DYNC1I1: variants seen among roughly 807,000 people sequenced by gnomAD.
DYNC1I1 encodes dynein cytoplasmic 1 intermediate chain 1.
A neutral mutation model predicts 86.6 loss-of-function variants in DYNC1I1; 43 were observed. The observed-to-expected ratio is 0.50, with a 90% CI of 0.39 to 0.64. The LOEUF (loss-of-function observed/expected upper bound fraction) is 0.64, where lower values mean the gene tolerates loss of function less well. Among genes scored for constraint, DYNC1I1 ranks in the 30% least tolerant of loss-of-function variants. The pLI is 0.00. For synonymous variants in DYNC1I1, 262 were observed against 283.7 expected, an observed-to-expected ratio of 0.92 and a Z score of 0.77; for missense variants, 604 against 788.8, an observed-to-expected ratio of 0.77 and a Z score of 2.81.
chr7:95,803,557 A>G (rs144941726), intron 1 of DYNC1I1, among the ~76,000 whole-genome samples: 385 of 152,354 alleles, frequency 2.5e-3, no homozygotes, highest in Non-Finnish European at 5.0e-3. Flanking sequence ...TGTGTCCCAG[A>G]GTGACTGTAG....
intron 10 of DYNC1I1, among the ~76,000 whole-genome samples, chr7:96,023,673 T>G (rs1794607874): frequency 6.6e-6 from 1 of 152,120 alleles, no homozygotes; most frequent in South Asian, 2.1e-4. Context: ...TGACTTCTCT[T>G]TAAATAGATG....
chr7:96,021,811 T>C (rs1346599728), intron 10 of DYNC1I1, among the ~76,000 whole-genome samples: 1 of 152,218 alleles, frequency 6.6e-6, no homozygotes. Context: ...ATTTCAAGGT[T>C]CATCCATGCT....
intron 6 of DYNC1I1, among the ~76,000 whole-genome samples, chr7:95,963,120 C>T (rs1792916408): frequency 6.6e-6 from 1 of 152,078 alleles, no homozygotes; most frequent in Non-Finnish European, 1.5e-5. Flanking sequence ...CTGCATTCTC[C>T]TCTCTACGTC....
At chr7:96,043,167 C>CAAAAAAAAAAA (rs111888029) in intron 14 of DYNC1I1, among the ~76,000 whole-genome samples, 1 of 63,470 alleles carries the variant, frequency 1.6e-5, no homozygotes, top group African/African-American at 5.0e-5. Flanking sequence ...GACTCCATCT[C>CAAAAAAAAAAA]AAAAAAAAAA....
chr7:95,966,597 C>T (rs148831692), intron 6 of DYNC1I1, among the ~76,000 whole-genome samples: 42 of 152,328 alleles, frequency 2.8e-4, no homozygotes, highest in African/African-American at 9.9e-4. Flanking sequence ...CTTGACTCTA[C>T]TGCTGCGTGT....
intron 5 of DYNC1I1, among the ~76,000 whole-genome samples, chr7:95,854,648 C>T (rs1789668886): frequency 6.6e-6 from 1 of 152,110 alleles, no homozygotes; most frequent in Non-Finnish European, 1.5e-5. Context: ...TTCTTAGTTT[C>T]AGATGTTTTT....
At chr7:95,866,012 GCA>G (rs1790008544) in intron 5 of DYNC1I1, among the ~76,000 whole-genome samples, 1 of 152,170 alleles carries the variant, frequency 6.6e-6, no homozygotes, top group Admixed American at 6.5e-5. Context: ...AGGAAAGGTA[GCA>G]CAGAGTCGGA....
chr7:95,978,400 C>T (rs1346963183), intron 7 of DYNC1I1, among the ~76,000 whole-genome samples: 2 of 152,166 alleles, frequency 1.3e-5, no homozygotes, highest in Non-Finnish European at 2.9e-5. Flanking sequence ...ACATGAAATA[C>T]TGCAGGTGAC....
At chr7:95,991,840 C>T (rs1793737861) in intron 9 of DYNC1I1, among the ~76,000 whole-genome samples, 1 of 152,028 alleles carries the variant, frequency 6.6e-6, no homozygotes, top group South Asian at 2.1e-4. Context: ...TCCTGCCACA[C>T]CCCACACCAG....
intron 1 of DYNC1I1, among the ~76,000 whole-genome samples, chr7:95,786,480 A>G (rs1794150543): frequency 1.3e-5 from 2 of 152,092 alleles, no homozygotes; most frequent in Admixed American, 6.5e-5. Context: ...CCCATATTAC[A>G]TGCTTTTTGA....
At chr7:96,099,972 TACAC>T (rs1462766765), downstream of DYNC1I1, among the ~76,000 whole-genome samples, 1 of 152,076 alleles carries the variant, frequency 6.6e-6, no homozygotes, top group Non-Finnish European at 1.5e-5. Flanking sequence ...ATAAGAGAAA[TACAC>T]AGCCAGTCCA....
intron 6 of DYNC1I1, among the ~76,000 whole-genome samples, chr7:95,942,556 A>G (rs551455557): frequency 6.6e-6 from 1 of 152,228 alleles, no homozygotes; most frequent in Non-Finnish European, 1.5e-5. Flanking sequence ...AAAGCTTGGC[A>G]GAGACACAAA....
chr7:96,107,033 C>CTTTTT (rs374213729), intron 16 of DYNC1I1, among the ~76,000 whole-genome samples: 1 of 145,772 alleles, frequency 6.9e-6, no homozygotes. Context: ...TTCATTCATA[C>CTTTTT]TTTTTTTTTT....
At chr7:95,865,396 T>A (rs1789991210) in intron 5 of DYNC1I1, among the ~76,000 whole-genome samples, 1 of 152,204 alleles carries the variant, frequency 6.6e-6, no homozygotes, top group Non-Finnish European at 1.5e-5. Flanking sequence ...CTACATTGTT[T>A]CTACCTTTTC....
intron 4 of DYNC1I1, among the ~76,000 whole-genome samples, chr7:95,823,922 A>G (rs1211414320): frequency 7.2e-6 from 1 of 137,976 alleles, no homozygotes; most frequent in Non-Finnish European, 1.5e-5. Flanking sequence ...GGAATATGGC[A>G]AGTTTTACTT....
intron 6 of DYNC1I1, among the ~76,000 whole-genome samples, chr7:95,958,840 G>A (rs1792787726): frequency 6.6e-6 from 1 of 152,170 alleles, no homozygotes; most frequent in Non-Finnish European, 1.5e-5. Context: ...CAGAAATTGA[G>A]TATCTACTAT....
intron 15 of DYNC1I1, among the ~76,000 whole-genome samples, chr7:96,077,111 C>A (rs917666192): frequency 6.6e-6 from 1 of 152,042 alleles, no homozygotes; most frequent in Non-Finnish European, 1.5e-5. Context: ...ACAAGTGCTG[C>A]GAACTATATG....
chr7:96,060,801 A>G (rs1228261147), intron 14 of DYNC1I1, among the ~76,000 whole-genome samples: 2 of 152,138 alleles, frequency 1.3e-5, no homozygotes, highest in African/African-American at 4.8e-5. Context: ...GCTCTAAAAA[A>G]TAAAGTCTAA....
In DYNC1I1 at chr7:95,868,387, T is replaced by C. The variant is rs369070512; in HGVS notation, c.375-1496T>C. Among the ~76,000 whole-genome samples, 37 of 152,340 alleles carry C rather than the reference T, an allele frequency of 2.4e-4. 2 individuals are homozygous for C. In the South Asian group the frequency reaches 5.2e-3, roughly 21 times the overall value. On this transcript the variant is annotated intron_variant, in intron 5 of 16. Coordinates refer to ENST00000447467, the MANE Select transcript of DYNC1I1 (RefSeq NM_001135556.2). Reference sequence around the variant, plus strand: ...GAAATTGTATGTGAAAATTCCTAACTGTGCCATGCATTTTCTCACTTTATT... The same window carrying C: ...GAAATTGTATGTGAAAATTCCTAACCGTGCCATGCATTTTCTCACTTTATT...
Sources: allele counts gnomAD v4.1 joint callset (sites outside exome capture counted in the v4.1 genomes callset), GRCh38; gene constraint gnomAD v4.1.1; transcripts MANE v1.5; gene names NCBI Gene and HGNC (gene_info 2026-07-23, HGNC 2026-07-21).